EFCAB3: variants seen among roughly 807,000 people sequenced by gnomAD.
EFCAB3 encodes EF-hand calcium binding domain 3, also known as EF-hand calcium-binding domain-containing protein 3.
EFCAB3 carries 36 observed loss-of-function variants against 42.2 expected under a neutral mutation model. That is an observed-to-expected ratio of 0.85 (90% confidence interval 0.65 to 1.13). The LOEUF is 1.13. Among genes scored for constraint, EFCAB3 ranks in the 50% most tolerant of loss-of-function variants. The pLI, the probability that EFCAB3 is intolerant of heterozygous loss-of-function variation, is 0.00. For synonymous variants in EFCAB3, 170 were observed against 172.8 expected (o/e 0.98, Z 0.13); for missense variants, 418 against 505.1 (o/e 0.83, Z 1.65).
chr17:62,406,257 C>T (rs1192089726), intron 6 of EFCAB3, among the ~76,000 whole-genome samples: 1 of 151,892 alleles, frequency 6.6e-6, no homozygotes, highest in African/African-American at 2.4e-5. Flanking sequence ...AAAAGGAGAC[C>T]AAAAGCCAAG....
At chr17:62,379,667 A>C (rs1244372868), upstream of EFCAB3, among the ~76,000 whole-genome samples, 1 of 152,098 alleles carries the variant, frequency 6.6e-6, no homozygotes, top group Non-Finnish European at 1.5e-5. Context: ...AAGCACTTTT[A>C]GGGGCCCAAC....
At chr17:62,407,250 G>T (rs768853798) in intron 8 of EFCAB3, 38 bp downstream of exon 8, 3 of 1,468,720 alleles carry the variant, frequency 2.0e-6, no homozygotes, top group African/African-American at 2.8e-5. Flanking sequence ...TAAATACTTG[G>T]ATTTTTAAGC....
chr17:62,385,085 T>G (rs1357763299), intron 2 of EFCAB3, among the ~76,000 whole-genome samples: 2 of 152,158 alleles, frequency 1.3e-5, no homozygotes, highest in African/African-American at 4.8e-5. Context: ...AACCCCATCA[T>G]GAATCAAGGA....
chr17:62,392,122 A>AAT (rs929848848), intron 4 of EFCAB3, among the ~76,000 whole-genome samples, 157 bp downstream of exon 4: 15 of 148,978 alleles, frequency 1.0e-4, no homozygotes, highest in Non-Finnish European at 1.9e-4. Context: ...GTATATGTTA[A>AAT]ATATATATAT....
chr17:62,415,276 A>G (rs1313827500), intron 9 of EFCAB3, among the ~76,000 whole-genome samples: 2 of 152,178 alleles, frequency 1.3e-5, no homozygotes, highest in African/African-American at 4.8e-5. Context: ...ATGGCACTGT[A>G]CTGCTTAAAA....
At chr17:62,376,672 T>A (rs1042431715), upstream of EFCAB3, among the ~76,000 whole-genome samples, 6 of 152,194 alleles carry the variant, frequency 3.9e-5, no homozygotes, top group Admixed American at 2.0e-4. Flanking sequence ...CCATTTCTAC[T>A]TTCTAAAGAA....
upstream of EFCAB3, among the ~76,000 whole-genome samples, chr17:62,378,607 G>T (rs1373177590): frequency 6.6e-6 from 1 of 152,086 alleles, no homozygotes; most frequent in Non-Finnish European, 1.5e-5. Flanking sequence ...AGGCTGAGTG[G>T]AAGGATCACT....
chr17:62,416,340 T>C lies in EFCAB3; in HGVS notation c.*11T>C. 1 of 1,550,698 alleles carries C rather than the reference T, an allele frequency of 6.4e-7. No individual in the cohort carries two copies. Among genetic ancestry groups the C allele is most frequent in the South Asian group, 1.2e-5 (1 of 82,938 alleles). ...GGATTTCAACAATGAAATTTCTACA[T>C]TTTCTAAACAGCTCATCACAAACTA... On this transcript the variant is annotated 3_prime_UTR_variant, in exon 10 of 10. Coordinates refer to ENST00000305286, the MANE Select transcript of EFCAB3 (RefSeq NM_173503.4).
chr17:62,372,464 T>C (rs901143544), intron 1 of EFCAB3, among the ~76,000 whole-genome samples: 1 of 151,946 alleles, frequency 6.6e-6, no homozygotes, highest in African/African-American at 2.4e-5. Flanking sequence ...GTATTTTTTG[T>C]AGAGACGGGG....
At chr17:62,405,496 A>C (rs2070439896) in intron 6 of EFCAB3, among the ~76,000 whole-genome samples, 1 of 152,238 alleles carries the variant, frequency 6.6e-6, no homozygotes, top group African/African-American at 2.4e-5. Context: ...AGACAGCATG[A>C]AGTGATGCTC....
At chr17:62,393,696 C>T (rs886096843) in intron 5 of EFCAB3, 52 bp downstream of exon 5, 3 of 1,463,836 alleles carry the variant, frequency 2.0e-6, no homozygotes. Context: ...CAACTCACTG[C>T]ACAGCAAACA....
upstream of EFCAB3, among the ~76,000 whole-genome samples, chr17:62,379,498 A>T (rs998125449): frequency 1.3e-5 from 2 of 152,122 alleles, no homozygotes; most frequent in Non-Finnish European, 2.9e-5. Context: ...TTAATTTATA[A>T]ATTAAGCCTT....
intron 6 of EFCAB3, among the ~76,000 whole-genome samples, chr17:62,404,071 T>C (rs2070427871): frequency 6.6e-6 from 1 of 152,180 alleles, no homozygotes; most frequent in African/African-American, 2.4e-5. Flanking sequence ...GTGAGTCAGT[T>C]TCCTAGGGCT....
chr17:62,403,139 G>A (rs1248303759), intron 6 of EFCAB3, among the ~76,000 whole-genome samples: 1 of 152,046 alleles, frequency 6.6e-6, no homozygotes. Context: ...TACTTCTATA[G>A]TTCTTCCACT....
In EFCAB3 at chr17:62,393,564, T is replaced by G. The variant is rs2144082078; in HGVS notation, c.296-9T>G. 3 of 1,613,044 alleles carry G rather than the reference T, an allele frequency of 1.9e-6. No individual in the cohort carries two copies. The South Asian group carries it at 3.3e-5, about 18-fold the overall frequency. On this transcript the variant is annotated splice_polypyrimidine_tract_variant and intron_variant, in intron 4 of 9. Coordinates refer to ENST00000305286, the MANE Select transcript of EFCAB3 (RefSeq NM_173503.4). ...TATCCTTGTCCTGAGTCTCAGATTT[T>G]TGTTGCAGGAGATGGGAAGGTGAAC... is the stretch of plus-strand genomic sequence containing the variant.
At chr17:62,413,932 C>G in intron 9 of EFCAB3, 78 bp downstream of exon 9, 1 of 1,458,818 alleles carries the variant, frequency 6.9e-7, no homozygotes, top group East Asian at 2.3e-5. Flanking sequence ...ACCATAAAAC[C>G]AAGAGAATTT....
intron 2 of EFCAB3, among the ~76,000 whole-genome samples, chr17:62,383,949 C>T (rs1159808315): frequency 6.6e-6 from 1 of 152,128 alleles, no homozygotes; most frequent in Non-Finnish European, 1.5e-5. Flanking sequence ...TTCTCAGTCA[C>T]CTAACAACAA....
chr17:62,380,457 C>A, upstream of EFCAB3: 1 of 533,172 alleles, frequency 1.9e-6, no homozygotes. Context: ...TGAAAACACA[C>A]TTGCTGTAAG....
chr17:62,381,830 C>A (rs2070203245), intron 1 of EFCAB3: 2 of 434,752 alleles, frequency 4.6e-6, no homozygotes, highest in African/African-American at 2.0e-5. Flanking sequence ...TTGAAGATGT[C>A]ATTGCCCAGG....
Sources: gnomAD v4.1 joint callset for allele counts (sites outside exome capture counted in the v4.1 genomes callset) on GRCh38, gnomAD v4.1.1 for gene constraint, MANE v1.5 for transcripts, NCBI Gene and HGNC (gene_info 2026-07-23, HGNC 2026-07-21) for gene names.